The following HEG1 variants were observed in gnomAD, a reference collection of about 807,000 sequenced individuals.
The protein encoded by HEG1 is protein HEG homolog 1.
In HEG1, 56 loss-of-function variants were observed where a neutral mutation model predicts 125.6. The observed-to-expected ratio is 0.45, with a 90% CI of 0.36 to 0.56. The LOEUF (loss-of-function observed/expected upper bound fraction) is 0.56, where lower values mean the gene tolerates loss of function less well. Among genes scored for constraint, HEG1 ranks in the 20% least tolerant of loss-of-function variants. The probability of loss-of-function intolerance (pLI) is 0.00; values close to 1 mark genes in which losing one functional copy is unlikely to be tolerated. For synonymous variants in HEG1, 644 were observed against 668.5 expected (o/e 0.96, Z 0.57); for missense variants, 1,523 against 1,670.0 (o/e 0.91, Z 1.53).
intron 12 of HEG1, among the ~76,000 whole-genome samples, chr3:124,995,189 C>T (rs1936902057): frequency 1.3e-5 from 2 of 152,070 alleles, no homozygotes; most frequent in Admixed American, 6.6e-5. Context: ...GTCCCAGCTA[C>T]TTGGGAGGCT....
Position 124,973,732 on chromosome 3 carries a change from G to A in HEG1, c.3995C>T (p.Ser1332Leu), listed in dbSNP as rs1052759865. The A allele has an allele frequency of 3.1e-6, 5 of 1,612,692 alleles. No homozygotes were observed. The highest frequency in any genetic ancestry group is 2.7e-5 in the African/African-American group (2 of 74,868). ...TCATCCTGACACAGGAATACACACC[G>A]AGTAGTACACATCCGTCATCTGGAG... ...NLLQMTDVYYSPTSVRNPELE... is the reference protein window; with the variant it reads ...NLLQMTDVYYLPTSVRNPELE... Residue 1332 changes from serine (S) to leucine (L), a missense_variant and splice_region_variant, in exon 16 of 17, where the codon TCG becomes TTG. Ser to Leu is a moderately radical substitution (Grantham distance 145). Transcript: ENST00000311127.
chr3:125,028,762 A>G (rs1257114311), intron 2 of HEG1, among the ~76,000 whole-genome samples: 2 of 152,152 alleles, frequency 1.3e-5, no homozygotes, highest in African/African-American at 4.8e-5. Flanking sequence ...AATTTTACCC[A>G]TTGAGCCCCA....
At position 124,994,330 on chromosome 3, in the gene HEG1, A is replaced by G. The variant is rs142919801; in HGVS notation, c.3653-3344T>C. Among the ~76,000 whole-genome samples, 208 of 152,286 alleles carry G rather than the reference A, an allele frequency of 1.4e-3. 1 individual carries two copies. Among genetic ancestry groups the G allele is most frequent in the African/African-American group, 4.6e-3 (192 of 41,566 alleles). On this transcript the variant is annotated intron_variant, in intron 12 of 16. Transcript: ENST00000311127. ...GCAGCCCGGTTCCTAACAGACCACA[A>G]ACTGGTAGGGTTGGGGACCCCTGCC...
intron 1 of HEG1, among the ~76,000 whole-genome samples, chr3:125,042,198 C>T (rs747620333): frequency 2.0e-5 from 3 of 152,130 alleles, no homozygotes; most frequent in Non-Finnish European, 4.4e-5. Context: ...GAGGCCGAGG[C>T]GGGTGGATCA....
chr3:124,993,946 C>T (rs187236182), intron 12 of HEG1, among the ~76,000 whole-genome samples: 5 of 152,246 alleles, frequency 3.3e-5, no homozygotes, highest in Non-Finnish European at 7.4e-5. Context: ...TGTGCCGTGG[C>T]GCTGTTCTGG....
intron 2 of HEG1, among the ~76,000 whole-genome samples, chr3:125,028,361 C>A (rs1354564791): frequency 6.6e-6 from 1 of 152,204 alleles, no homozygotes; most frequent in East Asian, 1.9e-4. Context: ...ACCCCGTTCA[C>A]GCAATGGTCC....
At chr3:125,039,439 T>C (rs1476602594) in intron 1 of HEG1, among the ~76,000 whole-genome samples, 2 of 152,000 alleles carry the variant, frequency 1.3e-5, no homozygotes, top group Non-Finnish European at 2.9e-5. Flanking sequence ...AGAGGTAATT[T>C]CCTCCTGGAG....
At chr3:125,020,149 G>C (rs1937314316) in intron 4 of HEG1, among the ~76,000 whole-genome samples, 3 of 152,238 alleles carry the variant, frequency 2.0e-5, no homozygotes, top group African/African-American at 7.2e-5. Flanking sequence ...GGGCCAGGCT[G>C]TGTGCAGTGG....
At chr3:125,017,889 C>T (rs926673557) in intron 5 of HEG1, among the ~76,000 whole-genome samples, 3 of 151,540 alleles carry the variant, frequency 2.0e-5, no homozygotes, top group African/African-American at 7.3e-5. Context: ...ATTAGCCAGG[C>T]GTGGTGGTGG....
intron 8 of HEG1, 65 bp downstream of exon 8, chr3:125,009,640 C>T: frequency 6.8e-7 from 1 of 1,474,660 alleles, no homozygotes; most frequent in Non-Finnish European, 9.1e-7. Flanking sequence ...AGAAAAATAA[C>T]AAATGTTACC....
chr3:125,013,575 AGAGGAGGAGGAGGAAGAGGAG>A lies in HEG1; in HGVS notation c.1983_2003del (p.Ser666_Ser672del), dbSNP rs376430192. 22 of 1,577,850 alleles carry A rather than the reference AGAGGAGGAGGAGGAAGAGGAG, an allele frequency of 1.4e-5. 1 individual carries two copies. In the East Asian group the frequency reaches 4.6e-4, roughly 33 times the overall value. ...GCAAAGGAGGCCCTGAAGAAGAAGA[AGAGGAGGAGGAGGAAGAGGAG>A]GAGGAGGAGTCACTAACAAACTCAG... is the stretch of plus-strand genomic sequence containing the variant. On this transcript the variant is annotated inframe_deletion, in exon 6 of 17. Transcript: ENST00000311127.
At chr3:125,014,918 G>C (rs1161114498) in intron 5 of HEG1, 3 of 1,289,738 alleles carry the variant, frequency 2.3e-6, no homozygotes, top group African/African-American at 1.5e-5. Context: ...TAGCCAAGGT[G>C]TGGGTGCCGA....
chr3:125,000,040 T>C (rs1312039080), intron 11 of HEG1, among the ~76,000 whole-genome samples: 1 of 152,134 alleles, frequency 6.6e-6, no homozygotes, highest in Non-Finnish European at 1.5e-5. Context: ...GCCACCTCTC[T>C]AGTACTCAGA....
chr3:125,014,397 C>T (rs1263311061), intron 5 of HEG1, among the ~76,000 whole-genome samples: 2 of 152,178 alleles, frequency 1.3e-5, no homozygotes, highest in East Asian at 3.8e-4. Flanking sequence ...AAAATCTTCC[C>T]AACTTTCCAT....
At chr3:124,994,639 G>A (rs1024429734) in intron 12 of HEG1, among the ~76,000 whole-genome samples, 4 of 151,946 alleles carry the variant, frequency 2.6e-5, no homozygotes, top group African/African-American at 7.3e-5. Context: ...CTGAGTAGCT[G>A]GGACTACAGG....
chr3:125,005,875 T>C (rs1320664314), intron 8 of HEG1, among the ~76,000 whole-genome samples: 1 of 152,150 alleles, frequency 6.6e-6, no homozygotes, highest in Non-Finnish European at 1.5e-5. Flanking sequence ...AAGGGGGTGC[T>C]TCAGTTTCCT....
At chr3:124,978,697 T>C (rs1323791153) in intron 14 of HEG1, among the ~76,000 whole-genome samples, 1 of 151,996 alleles carries the variant, frequency 6.6e-6, no homozygotes, top group Non-Finnish European at 1.5e-5. Flanking sequence ...TCAGTAAATC[T>C]GATTTTTATT....
intron 14 of HEG1, among the ~76,000 whole-genome samples, chr3:124,979,480 A>G (rs554930144): frequency 6.6e-6 from 1 of 152,350 alleles, no homozygotes; most frequent in South Asian, 2.1e-4. Context: ...ATATGTAGAA[A>G]GCAATATTAA....
At chr3:124,996,097 T>C (rs1441098277) in intron 12 of HEG1, among the ~76,000 whole-genome samples, 1 of 144,380 alleles carries the variant, frequency 6.9e-6, no homozygotes, top group Admixed American at 6.9e-5. Flanking sequence ...ATTTGTTTTC[T>C]TTTTTTTTTT....
Sources: gnomAD v4.1 joint callset for allele counts (sites outside exome capture counted in the v4.1 genomes callset) on GRCh38, gnomAD v4.1.1 for gene constraint, MANE v1.5 for transcripts, NCBI Gene and HGNC (gene_info 2026-07-23, HGNC 2026-07-21) for gene names.